The following MAVS variants were observed in gnomAD, a reference collection of about 807,000 sequenced individuals.
MAVS encodes mitochondrial antiviral signaling protein.
In MAVS, 20 loss-of-function variants were observed where a neutral mutation model predicts 30.2. That is an observed-to-expected ratio of 0.66 (90% CI 0.47 to 0.96). MAVS has a LOEUF of 0.96. Ranked by LOEUF, MAVS falls within the 40% of genes least tolerant of loss-of-function variation. MAVS has a pLI of 0.00. For synonymous variants in MAVS, 278 were observed against 293.9 expected, an observed-to-expected ratio of 0.95 and a Z score of 0.55; for missense variants, 624 against 701.1, an observed-to-expected ratio of 0.89 and a Z score of 1.24.
Position 3,854,572 on chromosome 20 carries a change from A to G in MAVS, c.-53A>G. ...TTTTCTTCCAGTCTCGTTTCCTCTC[A>G]GTCCATCCACCCTTCATGGGGCCAG... On this transcript the variant is annotated 5_prime_UTR_variant, in exon 2 of 7. Coordinates refer to ENST00000428216, the MANE Select transcript of MAVS (RefSeq NM_020746.5). The G allele has an allele frequency of 2.3e-6, 3 of 1,290,854 alleles. No homozygotes were observed. Among genetic ancestry groups the G allele is most frequent in the Non-Finnish European group, 3.3e-6 (3 of 900,306 alleles). 80.0% of individuals were successfully genotyped at this position (1,290,854 alleles called of 1,614,324 possible).
rs993868872 is a variant in MAVS, at chr20:3,873,948, T to C, written c.*7801T>C. On this transcript the variant is annotated 3_prime_UTR_variant, in exon 7 of 7. Transcript: ENST00000428216. ...ACAGAAAGCTATGTCCACCGAGACA[T>C]TGGCAAGAATGTTTCTAACCACACG... 6 of 395,608 alleles carry C rather than the reference T, an allele frequency of 1.5e-5. No homozygotes were observed. Among genetic ancestry groups the C allele is most frequent in the African/African-American group, 4.1e-5 (2 of 48,360 alleles). 24.5% of individuals were successfully genotyped at this position (395,608 alleles called of 1,614,324 possible).
In MAVS at chr20:3,867,011, C is replaced by T. The variant is rs551274024; in HGVS notation, c.*864C>T. ...CAGTGAGTATCTGGCTCATTCTTCA[C>T]TGGGTTCTTCTGAGATTGAACCTAC... is the stretch of plus-strand genomic sequence containing the variant. On this transcript the variant is annotated 3_prime_UTR_variant, in exon 7 of 7. Coordinates refer to ENST00000428216, the MANE Select transcript of MAVS (RefSeq NM_020746.5). 24 of 456,794 alleles carry T rather than the reference C, an allele frequency of 5.3e-5. No homozygotes were observed. The highest frequency in any genetic ancestry group is 4.4e-4 in the African/African-American group (22 of 50,218). 28.3% of individuals were successfully genotyped at this position (456,794 alleles called of 1,614,324 possible).
intron 3 of MAVS, 108 bp downstream of exon 3, chr20:3,857,917 G>C (rs776561814): frequency 2.4e-5 from 30 of 1,276,300 alleles, no homozygotes; most frequent in Non-Finnish European, 3.0e-5. Context: ...CCTCTTTCTT[G>C]TCACTGTGAA....
chr20:3,857,536 G>GCTTT, intron 2 of MAVS, 99 bp from the exon 3 acceptor site: 1 of 1,421,402 alleles, frequency 7.0e-7, no homozygotes, highest in Non-Finnish European at 9.5e-7. Context: ...TGCCCTTGTG[G>GCTTT]CTTTCTTGGC....
Position 3,870,057 on chromosome 20 carries a change from T to G in MAVS, c.*3910T>G, listed in dbSNP as rs1160681307. 1 of 152,382 alleles carries G rather than the reference T, an allele frequency of 6.6e-6. No individual in the cohort carries two copies. The highest frequency in any genetic ancestry group is 1.5e-5 in the Non-Finnish European group (1 of 68,088). The allele number at this position is 152,382 out of a possible 1,614,324, so 9.4% of individuals were successfully genotyped here. On this transcript the variant is annotated 3_prime_UTR_variant, in exon 7 of 7. Coordinates refer to ENST00000428216, the MANE Select transcript of MAVS (RefSeq NM_020746.5). ...CCAGTGTCAGATCTCAGGAGTCCTG[T>G]GTTGAGAGTGTGGCTTTCAGCTGCG... is the stretch of plus-strand genomic sequence containing the variant.
In MAVS at chr20:3,862,284, C is replaced by A; in HGVS notation, c.496C>A (p.Pro166Thr). ...NSEQALQTLS[P>T]RAIPRNPDGG... ...AGAGCAAGCCCTGCAGACGCTCAGC[C>A]CCAGAGCCATCCCAAGGAATCCAGA... Residue 166 changes from proline to threonine, a missense_variant, in exon 5 of 7, where the codon CCC (proline) becomes ACC (threonine). Pro to Thr is a conservative substitution (Grantham distance 38, BLOSUM62 -1). Transcript: ENST00000428216. 1 of 1,614,080 alleles carries A rather than the reference C, an allele frequency of 6.2e-7. No homozygotes were observed. Among genetic ancestry groups the A allele is most frequent in the Non-Finnish European group, 8.5e-7 (1 of 1,180,018 alleles).
At chr20:3,855,329 ACTTT>A (rs1389718350) in intron 2 of MAVS, among the ~76,000 whole-genome samples, 1 of 152,002 alleles carries the variant, frequency 6.6e-6, no homozygotes, top group Non-Finnish European at 1.5e-5. Context: ...CCACTTGCCC[ACTTT>A]TTTTGGAACC....
chr20:3,866,526 C>G lies in MAVS; in HGVS notation c.*379C>G, dbSNP rs116507061. The stretch of plus-strand genomic sequence containing the variant: ...TGGAACATGTGGTGCTTGGGAATGC[C>G]TCTCCTGTTGCATTGGTCCCTGAAG... On this transcript the variant is annotated 3_prime_UTR_variant, in exon 7 of 7. Transcript: ENST00000428216. The G allele has an allele frequency of 1.2e-5, 4 of 345,802 alleles. No homozygotes were observed. The highest frequency in any genetic ancestry group is 2.1e-5 in the African/African-American group (1 of 47,674). 21.4% of individuals were successfully genotyped at this position (345,802 alleles called of 1,614,324 possible).
In MAVS at chr20:3,848,390, C is replaced by T. The variant is rs569983136; in HGVS notation, c.-68+1487C>T. ...CTGGGATTCCAGGCGTGAGCCACCG[C>T]GCCCGGCCGAGAAAGGGATCTATTA... is the stretch of plus-strand genomic sequence containing the variant. On this transcript the variant is annotated intron_variant, in intron 1 of 6. Coordinates refer to ENST00000428216, the MANE Select transcript of MAVS (RefSeq NM_020746.5). 1.7e-3 allele frequency among the ~76,000 whole-genome samples: 264 copies of T among 152,274 alleles called. 1 individual carries two copies. The highest frequency in any genetic ancestry group is 0.012 in the East Asian group (60 of 5,180).
rs558315958 is a variant in MAVS at position 3,866,230 on chromosome 20, C to T, written c.*83C>T. 1,146 of 1,327,012 alleles carry T rather than the reference C, an allele frequency of 8.6e-4. 1 individual carries two copies. Among genetic ancestry groups the T allele is most frequent in the Admixed American group, 1.5e-3 (56 of 37,252 alleles). 82.2% of individuals were successfully genotyped at this position (1,327,012 alleles called of 1,614,324 possible). A position where few individuals can be genotyped will look rare whatever the true frequency, so the allele number is the denominator to read the frequency against. On this transcript the variant is annotated 3_prime_UTR_variant, in exon 7 of 7. Coordinates refer to ENST00000428216, the MANE Select transcript of MAVS (RefSeq NM_020746.5). ...CCTCTCCGAAGCCCCTTGTCCCTTT[C>T]TTGGGGATTGTGGAGGCTGGGTCAG...
At chr20:3,848,246 G>T (rs528550110) in intron 1 of MAVS, among the ~76,000 whole-genome samples, 1 of 152,016 alleles carries the variant, frequency 6.6e-6, no homozygotes, top group Non-Finnish European at 1.5e-5. Flanking sequence ...CTACAGGTGT[G>T]TGCCACCATG....
At chr20:3,851,941 G>T (rs1319848603) in intron 1 of MAVS, among the ~76,000 whole-genome samples, 1 of 150,680 alleles carries the variant, frequency 6.6e-6, no homozygotes, top group Non-Finnish European at 1.5e-5. Flanking sequence ...GGCAACAAGA[G>T]TCTGGAACTC....
Position 3,866,842 on chromosome 20 carries a change from A to G in MAVS, c.*695A>G. 2 of 456,882 alleles carry G rather than the reference A, an allele frequency of 4.4e-6. No homozygotes were observed. The highest frequency in any genetic ancestry group is 8.8e-6 in the Non-Finnish European group (2 of 226,496). The allele number at this position is 456,882 out of a possible 1,614,324, so 28.3% of individuals were successfully genotyped here. A position where few individuals can be genotyped will look rare whatever the true frequency, so the allele number is the denominator to read the frequency against. On this transcript the variant is annotated 3_prime_UTR_variant, in exon 7 of 7. Transcript: ENST00000428216. ...CCTCTTTCCCTCCCCTCTGGTCTCC[A>G]TTCTCTTCAGCTCCCTACATGGGCT...
intron 2 of MAVS, 73 bp from the exon 3 acceptor site, chr20:3,857,562 G>T: frequency 6.5e-7 from 1 of 1,532,736 alleles, no homozygotes; most frequent in South Asian, 1.3e-5. Flanking sequence ...TCCCCCCGCT[G>T]TGGCTTCATT....
chr20:3,848,859 G>A (rs1242874834), intron 1 of MAVS, among the ~76,000 whole-genome samples: 1 of 152,116 alleles, frequency 6.6e-6, no homozygotes, highest in East Asian at 1.9e-4. Flanking sequence ...TGCCCAAGGA[G>A]TCATGCTTCT....
In MAVS at chr20:3,870,056, G is replaced by C. The variant is rs16989002; in HGVS notation, c.*3909G>C. The C allele has an allele frequency of 0.12, 18,301 of 152,462 alleles. 1,380 individuals carry two copies. The highest frequency in any genetic ancestry group is 0.17 in the Non-Finnish European group (11,554 of 68,042). The allele number at this position is 152,462 out of a possible 1,614,324, so 9.4% of individuals were successfully genotyped here. The stretch of plus-strand genomic sequence containing the variant: ...GCCAGTGTCAGATCTCAGGAGTCCT[G>C]TGTTGAGAGTGTGGCTTTCAGCTGC... On this transcript the variant is annotated 3_prime_UTR_variant, in exon 7 of 7. Coordinates refer to ENST00000428216, the MANE Select transcript of MAVS (RefSeq NM_020746.5).
chr20:3,858,925 G>C (rs1248289866), intron 3 of MAVS, among the ~76,000 whole-genome samples: 4 of 151,496 alleles, frequency 2.6e-5, no homozygotes, highest in African/African-American at 9.7e-5. Flanking sequence ...TCAGCCTCCA[G>C]AGTAGCTGGG....
chr20:3,858,322 C>T (rs574586609), intron 3 of MAVS, among the ~76,000 whole-genome samples: 8 of 152,228 alleles, frequency 5.3e-5, no homozygotes, highest in African/African-American at 1.7e-4. Context: ...CTCTCAGTGT[C>T]CCTGCCACTC....
rs2089980934 is a variant in MAVS at position 3,874,983 on chromosome 20, C to G, written c.*8836C>G. Reference sequence around the variant, plus strand: ...GCTCCAAGTCATTGCTTACTACACCCACAAACATTCTTCGTTCTTTAAGGC... The same window carrying G: ...GCTCCAAGTCATTGCTTACTACACCGACAAACATTCTTCGTTCTTTAAGGC... On this transcript the variant is annotated 3_prime_UTR_variant, in exon 7 of 7. Coordinates refer to ENST00000428216, the MANE Select transcript of MAVS (RefSeq NM_020746.5). 2.0e-5 allele frequency: 3 copies of G among 152,458 alleles called. No individual in the cohort carries two copies. Among genetic ancestry groups the G allele is most frequent in the Admixed American group, 2.0e-4 (3 of 15,298 alleles). 9.4% of individuals were successfully genotyped at this position (152,458 alleles called of 1,614,324 possible).
Sources: allele counts gnomAD v4.1 joint callset (sites outside exome capture counted in the v4.1 genomes callset), GRCh38; gene constraint gnomAD v4.1.1; transcripts MANE v1.5; gene names NCBI Gene and HGNC (gene_info 2026-07-23, HGNC 2026-07-21).